Variants in COL8A2 observed in about 807,000 individuals in gnomAD.
The protein encoded by COL8A2 is collagen type VIII alpha 2 chain, also known as collagen alpha-2(VIII) chain.
A neutral mutation model predicts 24.0 loss-of-function variants in COL8A2; 16 were observed. That is an observed-to-expected ratio of 0.67 (90% confidence interval 0.45 to 1.01). The LOEUF is 1.01. COL8A2 is among the 50% of genes least tolerant of loss of function. The pLI is 0.00. For missense variants in COL8A2, 818 were observed against 942.4 expected (o/e 0.87, Z 1.73); for synonymous variants, 466 against 424.5 (o/e 1.10, Z -1.20).
In COL8A2 at chr1:36,096,123, G is replaced by A. The variant is rs1297148339; in HGVS notation, c.*1446C>T. The A allele has an allele frequency of 6.6e-6, 1 of 152,098 alleles. No individual in the cohort carries two copies. The highest frequency in any genetic ancestry group is 1.9e-4 in the East Asian group (1 of 5,184). 9.4% of individuals were successfully genotyped at this position (152,098 alleles called of 1,614,324 possible). A position where few individuals can be genotyped will look rare whatever the true frequency, so the allele number is the denominator to read the frequency against. The stretch of plus-strand genomic sequence containing the variant: ...GACCGAATGACCCCAGTTCACACTT[G>A]GTACAAGGAGTGGGGCTGGCCTGGC... On this transcript the variant is annotated 3_prime_UTR_variant, in exon 4 of 4. Coordinates refer to ENST00000397799, the MANE Select transcript of COL8A2 (RefSeq NM_005202.4).
intron 2 of COL8A2, among the ~76,000 whole-genome samples, chr1:36,105,737 C>T (rs1377062148): frequency 6.6e-6 from 1 of 151,908 alleles, no homozygotes; most frequent in Non-Finnish European, 1.5e-5. Flanking sequence ...CGCTTGAGCC[C>T]AGGACTTTGA....
At position 36,115,789 on chromosome 1, in the gene COL8A2, C is replaced by T; in HGVS notation, c.-61-37G>A. The stretch of plus-strand genomic sequence containing the variant: ...CAAGAGAAACAGTGAGGCTATGGGG[C>T]AGTGGCTCAAGCTTGTAATCCCAGC... On this transcript the variant is annotated intron_variant, in intron 1 of 3. Coordinates refer to ENST00000397799, the MANE Select transcript of COL8A2 (RefSeq NM_005202.4). The surrounding 1 kb of genome is among the most constrained non-coding windows in gnomAD (Gnocchi z 5.7). 1.0e-6 allele frequency: 1 copy of T among 981,906 alleles called. No individual in the cohort carries two copies. Among genetic ancestry groups the T allele is most frequent in the African/African-American group, 1.7e-5 (1 of 57,236 alleles). 60.8% of individuals were successfully genotyped at this position (981,906 alleles called of 1,614,324 possible).
intron 2 of COL8A2, among the ~76,000 whole-genome samples, chr1:36,112,211 T>G (rs1422646052): frequency 6.6e-6 from 1 of 151,930 alleles, no homozygotes; most frequent in East Asian, 1.9e-4. Flanking sequence ...CACCATGTTA[T>G]CCAGGATGGT....
At chr1:36,112,131 G>A (rs1352340091) in intron 2 of COL8A2, among the ~76,000 whole-genome samples, 1 of 152,184 alleles carries the variant, frequency 6.6e-6, no homozygotes, top group Non-Finnish European at 1.5e-5. Flanking sequence ...AGCCTCCCGA[G>A]TAGCTGGGAC....
At chr1:36,101,242 A>G (rs1243387920) in intron 2 of COL8A2, among the ~76,000 whole-genome samples, 1 of 151,970 alleles carries the variant, frequency 6.6e-6, no homozygotes, top group East Asian at 1.9e-4. Flanking sequence ...CTCCAACTCT[A>G]TTGCCTGCTA....
At chr1:36,108,387 T>A (rs187782841) in intron 2 of COL8A2, among the ~76,000 whole-genome samples, 1 of 152,218 alleles carries the variant, frequency 6.6e-6, no homozygotes, top group Non-Finnish European at 1.5e-5. Context: ...ACTGGCTGTG[T>A]GACCCTGGGT....
intron 2 of COL8A2, among the ~76,000 whole-genome samples, chr1:36,101,652 G>A (rs983821850): frequency 3.9e-5 from 6 of 152,198 alleles, no homozygotes; most frequent in African/African-American, 9.7e-5. Context: ...TCATAATAGC[G>A]ATATTCACAG....
chr1:36,097,944 C>G lies in COL8A2; in HGVS notation c.1737G>C (p.Ala579=). Residue 579 remains alanine (A), a synonymous_variant, in exon 4 of 4, where the codon GCG becomes GCC. Transcript: ENST00000397799. ...LSAHATPAFT[A]VLTSPFPASG... is the part of the protein sequence containing the mutation. ...AGGCGGGGAAGGGCGAGGTGAGCAC[C>G]GCAGTGAAGGCCGGTGTGGCATGGG... The G allele has an allele frequency of 6.2e-7, 1 of 1,610,126 alleles. No individual in the cohort carries two copies. The highest frequency in any genetic ancestry group is 8.5e-7 in the Non-Finnish European group (1 of 1,179,508).
At chr1:36,117,427 G>A (rs555580378) in intron 1 of COL8A2, among the ~76,000 whole-genome samples, 17 of 152,318 alleles carry the variant, frequency 1.1e-4, no homozygotes, top group African/African-American at 3.9e-4. Flanking sequence ...GTTGGTAGTG[G>A]AGAGAGGTGA....
At chr1:36,116,349 G>C (rs1643879500) in intron 1 of COL8A2, among the ~76,000 whole-genome samples, 1 of 152,244 alleles carries the variant, frequency 6.6e-6, no homozygotes, top group African/African-American at 2.4e-5. Context: ...CCAGGCTGAG[G>C]ATGCCCCTTC....
chr1:36,099,230 C>A lies in COL8A2; in HGVS notation c.451G>T (p.Asp151Tyr), dbSNP rs1478812439. ...CCTGGGGGTCCCCGGAGGCCCTGGT[C>A]CCCTCGTATTCCTGGCTCCCCCCGA... ...GLRGEPGIRG[D>Y]QGLRGPPGPP... The change falls in exon 4 of 4, where the codon GAC becomes TAC. Residue 151 changes from aspartate to tyrosine, a missense_variant. Coordinates refer to ENST00000397799, the MANE Select transcript of COL8A2 (RefSeq NM_005202.4). 10 of 1,544,966 alleles carry A rather than the reference C, an allele frequency of 6.5e-6. No homozygotes were observed. The highest frequency in any genetic ancestry group is 8.7e-6 in the Non-Finnish European group (10 of 1,144,534).
chr1:36,101,252 A>C (rs1226848930), intron 2 of COL8A2, among the ~76,000 whole-genome samples: 1 of 152,020 alleles, frequency 6.6e-6, no homozygotes, highest in Non-Finnish European at 1.5e-5. Flanking sequence ...ATTGCCTGCT[A>C]TCCCTTTCTC....
chr1:36,113,475 G>A lies in COL8A2; in HGVS notation c.-17+2233C>T, dbSNP rs145296467. Among the ~76,000 whole-genome samples, 604 of 152,346 alleles carry A rather than the reference G, an allele frequency of 4.0e-3. 6 individuals are homozygous for A. The highest frequency in any genetic ancestry group is 0.013 in the African/African-American group (550 of 41,570). On this transcript the variant is annotated intron_variant, in intron 2 of 3. Transcript: ENST00000397799. ...ACAGTCCACACCTGCTCCTGTTAAC[G>A]TCAGGTCTGGGTCTGACTTCCCTGG...
At chr1:36,102,678 T>TG (rs1261685742) in intron 2 of COL8A2, among the ~76,000 whole-genome samples, 6 of 137,884 alleles carry the variant, frequency 4.4e-5, no homozygotes, top group African/African-American at 1.6e-4. Context: ...TTTGTTTTTT[T>TG]TTTTTTTTTT....
chr1:36,104,161 T>C (rs1643721613), intron 2 of COL8A2, among the ~76,000 whole-genome samples: 1 of 148,042 alleles, frequency 6.8e-6, no homozygotes, highest in Non-Finnish European at 1.5e-5. Flanking sequence ...GCCATTGTAC[T>C]CCAACCTGGG....
chr1:36,097,702 G>T lies in COL8A2; in HGVS notation c.1979C>A (p.Ser660Tyr). The T allele has an allele frequency of 6.5e-7, 1 of 1,536,288 alleles. No homozygotes were observed. Among genetic ancestry groups the T allele is most frequent in the Middle Eastern group, 1.8e-4 (1 of 5,672 alleles). The change falls in exon 4 of 4, where the codon TCT becomes TAT. Residue 660 changes from serine to tyrosine, a missense_variant. Around this residue, in one of 3 missense-constraint regions of COL8A2, gnomAD observed 235 missense variants for 297.3 expected, o/e 0.79. Transcript: ENST00000397799. ...EYKKGYLDQA[S>Y]GGAVLQLRPN... The stretch of plus-strand genomic sequence containing the variant: ...CCGCAGCTGGAGCACGGCCCCACCA[G>T]ATGCCTGGTCCAGGTAGCCCTTCTT...
At chr1:36,110,965 A>G (rs1643833204) in intron 2 of COL8A2, among the ~76,000 whole-genome samples, 2 of 152,050 alleles carry the variant, frequency 1.3e-5, no homozygotes, top group Admixed American at 6.5e-5. Flanking sequence ...ACCCAGCCCA[A>G]CTGCCCAGCT....
At chr1:36,102,417 C>T (rs1243809242) in intron 2 of COL8A2, among the ~76,000 whole-genome samples, 1 of 152,070 alleles carries the variant, frequency 6.6e-6, no homozygotes, top group Non-Finnish European at 1.5e-5. Flanking sequence ...CCTCCCACCT[C>T]AGCCTCCCAA....
chr1:36,123,159 G>A lies in COL8A2; in HGVS notation c.-62+1898C>T, dbSNP rs142156255. On this transcript the variant is annotated intron_variant, in intron 1 of 3. Coordinates refer to ENST00000397799, the MANE Select transcript of COL8A2 (RefSeq NM_005202.4). The surrounding 1 kb of genome is among the most constrained non-coding windows in gnomAD (Gnocchi z 4.1). ...ACAGCCACACCCCAGAGGAGAGGCC[G>A]CTGTGTCTCTCTCGTTCCTCCGACC... is the stretch of plus-strand genomic sequence containing the variant. Among the ~76,000 whole-genome samples the A allele has an allele frequency of 4.1e-3, 620 of 152,290 alleles. 6 individuals carry two copies. Among genetic ancestry groups the A allele is most frequent in the African/African-American group, 0.014 (583 of 41,562 alleles).
Sources: allele counts gnomAD v4.1 joint callset (sites outside exome capture counted in the v4.1 genomes callset), GRCh38; gene constraint gnomAD v4.1.1; regional missense constraint gnomAD v4.1.1; non-coding constraint Gnocchi (gnomAD v3.1); transcripts MANE v1.5; gene names NCBI Gene and HGNC (gene_info 2026-07-23, HGNC 2026-07-21).